PRSS35: variants seen among roughly 807,000 people sequenced by gnomAD.
The protein encoded by PRSS35 is serine protease 35, also known as inactive serine protease 35.
A neutral mutation model predicts 8.1 loss-of-function variants in PRSS35; 7 were observed. The ratio of observed to expected loss-of-function variants is 0.86; its 90% CI spans 0.49 to 1.62. The LOEUF (loss-of-function observed/expected upper bound fraction) is 1.62. PRSS35 is among the 40% of genes most tolerant of loss of function. The pLI is 0.00. For synonymous variants in PRSS35, 199 were observed against 188.7 expected (o/e 1.05, Z -0.45); for missense variants, 566 against 518.0 (o/e 1.09, Z -0.90).
intron 1 of PRSS35, among the ~76,000 whole-genome samples, chr6:83,519,186 G>T (rs1771775639): frequency 6.6e-6 from 1 of 152,144 alleles, no homozygotes; most frequent in Admixed American, 6.5e-5. Context: ...TCTTCCATCA[G>T]TAAGAGTTCA....
chr6:83,516,823 T>G (rs1386067082), intron 1 of PRSS35, among the ~76,000 whole-genome samples: 2 of 152,168 alleles, frequency 1.3e-5, no homozygotes, highest in African/African-American at 4.8e-5. Flanking sequence ...TCTTAACCCG[T>G]CTGCCTCCTT....
chr6:83,513,958 G>C (rs1771669012), intron 1 of PRSS35, among the ~76,000 whole-genome samples: 1 of 152,198 alleles, frequency 6.6e-6, no homozygotes, highest in Non-Finnish European at 1.5e-5. Context: ...CTCAGAATTT[G>C]GGAGGATAGA....
At chr6:83,516,127 A>C (rs1771708628) in intron 1 of PRSS35, among the ~76,000 whole-genome samples, 2 of 151,950 alleles carry the variant, frequency 1.3e-5, no homozygotes, top group Non-Finnish European at 2.9e-5. Flanking sequence ...CCCTACTACT[A>C]CTTTCTTTCT....
chr6:83,513,208 T>C (rs1306169024), intron 1 of PRSS35, among the ~76,000 whole-genome samples: 1 of 151,844 alleles, frequency 6.6e-6, no homozygotes, highest in Non-Finnish European at 1.5e-5. Flanking sequence ...TGTGGGGTGG[T>C]GATGGTGGAT....
intron 1 of PRSS35, among the ~76,000 whole-genome samples, chr6:83,519,238 C>G (rs1771776496): frequency 1.3e-5 from 2 of 152,182 alleles, no homozygotes; most frequent in African/African-American, 4.8e-5. Context: ...TAATTCCCTT[C>G]TACTCAATCT....
intron 1 of PRSS35, among the ~76,000 whole-genome samples, chr6:83,520,527 G>C (rs770138269): frequency 6.6e-6 from 1 of 152,062 alleles, no homozygotes; most frequent in Non-Finnish European, 1.5e-5. Flanking sequence ...GAGCAACCAA[G>C]ATATGGGCTC....
intron 1 of PRSS35, among the ~76,000 whole-genome samples, chr6:83,522,592 A>G (rs780499625): frequency 1.7e-4 from 26 of 152,166 alleles, no homozygotes; most frequent in Admixed American, 3.9e-4. Flanking sequence ...AAATTCTTAC[A>G]AATAATTTTA....
At position 83,522,919 on chromosome 6, in the gene PRSS35, A is replaced by C. The variant is rs528822333; in HGVS notation, c.-20-503A>C. Among the ~76,000 whole-genome samples the C allele has an allele frequency of 7.9e-5, 12 of 152,330 alleles. No individual in the cohort carries two copies. In the East Asian group the frequency reaches 9.6e-4, roughly 12 times the overall value. ...TGGACATTCACTGTATCCAATGAGC[A>C]GTTTTTTGAGCTCTGTGCTAGGCAG... On this transcript the variant is annotated intron_variant, in intron 1 of 1. Transcript: ENST00000369700.
chr6:83,521,480 C>T (rs1771820189), intron 1 of PRSS35, among the ~76,000 whole-genome samples: 1 of 134,180 alleles, frequency 7.5e-6, no homozygotes, highest in Admixed American at 7.6e-5. Flanking sequence ...CCCCTCCCCT[C>T]CCCTCCCTTC....
chr6:83,515,022 C>T (rs965361428), intron 1 of PRSS35, among the ~76,000 whole-genome samples: 2 of 152,116 alleles, frequency 1.3e-5, no homozygotes, highest in African/African-American at 2.4e-5. Flanking sequence ...ATTTTAAATA[C>T]CTGCGTTAGA....
At chr6:83,516,066 A>T (rs1171111) in intron 1 of PRSS35, among the ~76,000 whole-genome samples, 96 of 151,060 alleles carry the variant, frequency 6.4e-4, no homozygotes, top group Non-Finnish European at 7.1e-4. Context: ...CCGCCCACCT[A>T]GGCCTCCCAA....
chr6:83,524,487 G>T lies in PRSS35; in HGVS notation c.1046G>T (p.Gly349Val). ...CDAESGSTGS[G>V]VYLRLKDPDK... ...GCTGAGTCGGGCTCCACCGGTTCGG[G>T]GGTCTATCTGCGTCTGAAAGATCCA... Residue 349 changes from glycine to valine, a missense_variant, in exon 2 of 2, where the codon GGG (glycine) becomes GTG (valine). Physicochemically the swap from Gly to Val is moderately radical, Grantham distance 109. Transcript: ENST00000369700. 2 of 1,614,140 alleles carry T rather than the reference G, an allele frequency of 1.2e-6. No homozygotes were observed.
Position 83,513,952 on chromosome 6 carries a change from G to C in PRSS35, c.-21+1258G>C, listed in dbSNP as rs902417903. On this transcript the variant is annotated intron_variant, in intron 1 of 1. Transcript: ENST00000369700. ...CATTTTAACAGTAGGATCAGACTCA[G>C]AATTTGGGAGGATAGAGCTACTTTA... 3.9e-5 allele frequency among the ~76,000 whole-genome samples: 6 copies of C among 152,194 alleles called. 1 individual carries two copies. In the South Asian group the frequency reaches 1.2e-3, roughly 31 times the overall value.
At chr6:83,514,116 G>T (rs1771671747) in intron 1 of PRSS35, among the ~76,000 whole-genome samples, 1 of 152,132 alleles carries the variant, frequency 6.6e-6, no homozygotes, top group Non-Finnish European at 1.5e-5. Flanking sequence ...ACTGATGTGG[G>T]TTAGCTAAAA....
rs1437608718 is a variant in PRSS35 at position 83,524,854 on chromosome 6, G to A, written c.*171G>A. On this transcript the variant is annotated 3_prime_UTR_variant, in exon 2 of 2. Coordinates refer to ENST00000369700, the MANE Select transcript of PRSS35 (RefSeq NM_153362.3). ...TCCATTTAAAAAATGTATAGGTGCA[G>A]ATATTGAAACTAGGTGGGCACTTCA... 3 of 707,218 alleles carry A rather than the reference G, an allele frequency of 4.2e-6. No homozygotes were observed. The Admixed American group carries it at 1.0e-4, about 24-fold the overall frequency. 43.8% of individuals were successfully genotyped at this position (707,218 alleles called of 1,614,324 possible). A position where few individuals can be genotyped will look rare whatever the true frequency, so the allele number is the denominator to read the frequency against.
In PRSS35 at chr6:83,523,760, C is replaced by T; in HGVS notation, c.319C>T (p.Pro107Ser). ...RVKVQDLVLEPTQNITTKGVS... is the reference protein window; with the variant it reads ...RVKVQDLVLESTQNITTKGVS... ...GAAAGTTCAAGATTTGGTTCTTGAG[C>T]CGACTCAAAATATCACCACAAAGGG... is the stretch of plus-strand genomic sequence containing the variant. The change falls in exon 2 of 2, where the codon CCG (proline) becomes TCG (serine). Residue 107 changes from proline to serine, a missense_variant. By Grantham distance (74) the Pro-to-Ser change is moderately conservative (BLOSUM62 -1). Transcript: ENST00000369700. The T allele has an allele frequency of 1.2e-6, 2 of 1,614,112 alleles. No individual in the cohort carries two copies. The highest frequency in any genetic ancestry group is 1.7e-6 in the Non-Finnish European group (2 of 1,180,028).
rs1201547272 is a variant in PRSS35 at position 83,525,393 on chromosome 6, G to A, written c.*710G>A. 5 of 167,010 alleles carry A rather than the reference G, an allele frequency of 3.0e-5. No individual in the cohort carries two copies. In the Admixed American group the frequency reaches 3.3e-4, roughly 11 times the overall value. The allele number at this position is 167,010 out of a possible 1,614,324, so 10.3% of individuals were successfully genotyped here. A position where few individuals can be genotyped will look rare whatever the true frequency, so the allele number is the denominator to read the frequency against. ...CCTAGTTTAGAAATAGGGAAGCTGA[G>A]ACATTTTAAGATCTCAAGTTTTTAT... On this transcript the variant is annotated 3_prime_UTR_variant, in exon 2 of 2. Coordinates refer to ENST00000369700, the MANE Select transcript of PRSS35 (RefSeq NM_153362.3).
At position 83,523,647 on chromosome 6, in the gene PRSS35, A is replaced by G. The variant is rs1450339161; in HGVS notation, c.206A>G (p.Glu69Gly). The stretch of plus-strand genomic sequence containing the variant: ...GTGTGTGGCATCGAATGCCAGAAAG[A>G]ACTCCCAACTCCCAGCCTTTCTGAA... ...NTVCGIECQK[E>G]LPTPSLSELE... Residue 69 changes from glutamate to glycine, a missense_variant, in exon 2 of 2, where the codon GAA becomes GGA. Physicochemically the swap from Glu to Gly is moderately conservative, Grantham distance 98. Transcript: ENST00000369700. 6.2e-7 allele frequency: 1 copy of G among 1,614,064 alleles called. No individual in the cohort carries two copies. The highest frequency in any genetic ancestry group is 1.3e-5 in the African/African-American group (1 of 74,910).
Position 83,524,835 on chromosome 6 carries a change from T to A in PRSS35, c.*152T>A. 2.3e-6 allele frequency: 2 copies of A among 854,596 alleles called. No homozygotes were observed. Among genetic ancestry groups the A allele is most frequent in the South Asian group, 2.1e-5 (1 of 48,634 alleles). 52.9% of individuals were successfully genotyped at this position (854,596 alleles called of 1,614,324 possible). On this transcript the variant is annotated 3_prime_UTR_variant, in exon 2 of 2. Coordinates refer to ENST00000369700, the MANE Select transcript of PRSS35 (RefSeq NM_153362.3). Reference sequence around the variant, plus strand: ...CAAAATCAGGAGATTTTCGTCCATTTAAAAAATGTATAGGTGCAGATATTG... The same window carrying A: ...CAAAATCAGGAGATTTTCGTCCATTAAAAAAATGTATAGGTGCAGATATTG...
Sources: allele counts gnomAD v4.1 joint callset (sites outside exome capture counted in the v4.1 genomes callset), GRCh38; gene constraint gnomAD v4.1.1; transcripts MANE v1.5; gene names NCBI Gene and HGNC (gene_info 2026-07-23, HGNC 2026-07-21).